Variants in NFIX observed in about 807,000 individuals in gnomAD.
NFIX encodes nuclear factor I X, also known as nuclear factor 1 X-type.
Under a neutral mutation model 53.3 loss-of-function variants are expected in NFIX, and 2 were observed. The observed-to-expected ratio is 0.04, with a 90% CI of 0.02 to 0.12. The LOEUF is 0.12. NFIX is among the 10% of genes least tolerant of loss of function. NFIX has a pLI of 1.00. For synonymous variants in NFIX, 244 were observed against 289.0 expected, an observed-to-expected ratio of 0.84 and a Z score of 1.58; for missense variants, 310 against 674.5, an observed-to-expected ratio of 0.46 and a Z score of 5.99.
rs1568318663 is a variant in NFIX at position 13,075,580 on chromosome 19, C to T, written c.864C>T (p.Ser288=). ...CCATCGATGACAGTGAGATGGAGAGCCCTGTTGATGACGTGTTCTATCCCG... is the reference window on the plus strand; with the variant it reads ...CCATCGATGACAGTGAGATGGAGAGTCCTGTTGATGACGTGTTCTATCCCG... ...PKSIDDSEME[S]PVDDVFYPGT... Residue 288 remains serine, a synonymous_variant, in exon 6 of 11, where the codon AGC becomes AGT. Coordinates refer to ENST00000592199, the MANE Select transcript of NFIX (RefSeq NM_001365902.3). 1 of 1,613,710 alleles carries T rather than the reference C, an allele frequency of 6.2e-7. No individual in the cohort carries two copies. Among genetic ancestry groups the T allele is most frequent in the Non-Finnish European group, 8.5e-7 (1 of 1,179,798 alleles).
intron 1 of NFIX, among the ~76,000 whole-genome samples, chr19:12,999,541 C>T (rs947447146): frequency 4.6e-5 from 7 of 152,124 alleles, no homozygotes; most frequent in Non-Finnish European, 8.8e-5. Context: ...CGTGCTTCCC[C>T]CTCCTTGCCA....
chr19:13,069,528 G>T (rs1053981059), intron 2 of NFIX, among the ~76,000 whole-genome samples: 2 of 152,208 alleles, frequency 1.3e-5, no homozygotes, highest in African/African-American at 4.8e-5. Flanking sequence ...GTGGGCAGGG[G>T]CTCACTCATG....
At chr19:13,046,766 C>T (rs769480649) in intron 2 of NFIX, among the ~76,000 whole-genome samples, 9 of 152,112 alleles carry the variant, frequency 5.9e-5, no homozygotes, top group Non-Finnish European at 1.0e-4. Context: ...ATGTGAATGT[C>T]AGGAGCAGAG....
Position 13,088,235 on chromosome 19 carries a change from C to A in NFIX, c.1402+99C>A. 2.2e-6 allele frequency: 3 copies of A among 1,380,026 alleles called. No individual in the cohort carries two copies. Among genetic ancestry groups the A allele is most frequent in the Non-Finnish European group, 2.9e-6 (3 of 1,024,336 alleles). The allele number at this position is 1,380,026 out of a possible 1,614,324, so 85.5% of individuals were successfully genotyped here. On this transcript the variant is annotated intron_variant, in intron 9 of 10. Transcript: ENST00000592199. This position sits in a 1 kb window ranked among gnomAD's most constrained non-coding sequence, Gnocchi z 5.9. ...GAAAAGCCTTCCCCCTCCCCACCAC[C>A]AAAGCCCCCCAACCCAGAGCACCAT...
chr19:13,036,870 G>A lies in NFIX; in HGVS notation c.559+11318G>A, dbSNP rs1234852652. 6.6e-6 allele frequency among the ~76,000 whole-genome samples: 1 copy of A among 152,164 alleles called. No individual in the cohort carries two copies. The highest frequency in any genetic ancestry group is 1.5e-5 in the Non-Finnish European group (1 of 68,036). On this transcript the variant is annotated intron_variant, in intron 2 of 10. Transcript: ENST00000592199. The surrounding 1 kb of genome is among the most constrained non-coding windows in gnomAD (Gnocchi z 4.7). ...AGCGGGCATGGTACCTAGTTAGGGGGTGGTAGGAGGGACCTGCGGCCCCAC... is the reference window on the plus strand; with the variant it reads ...AGCGGGCATGGTACCTAGTTAGGGGATGGTAGGAGGGACCTGCGGCCCCAC...
intron 8 of NFIX, among the ~76,000 whole-genome samples, chr19:13,084,368 C>G (rs1386122123): frequency 6.6e-6 from 1 of 152,018 alleles, no homozygotes; most frequent in Non-Finnish European, 1.5e-5. Context: ...CGCTTGAACC[C>G]GGGAGGCAGA....
Position 13,001,342 on chromosome 19 carries a change from C to T in NFIX, c.27+5478C>T, listed in dbSNP as rs1402843929. Among the ~76,000 whole-genome samples, 1 of 152,188 alleles carries T rather than the reference C, an allele frequency of 6.6e-6. No individual in the cohort carries two copies. The highest frequency in any genetic ancestry group is 1.5e-5 in the Non-Finnish European group (1 of 68,044). ...CCCAGCGTCCATCACTGGGTGCTAC[C>T]TGCATGTGACTCCACGGATCATCGC... On this transcript the variant is annotated intron_variant, in intron 1 of 10. Coordinates refer to ENST00000592199, the MANE Select transcript of NFIX (RefSeq NM_001365902.3). This position sits in a 1 kb window ranked among gnomAD's most constrained non-coding sequence, Gnocchi z 6.5.
chr19:13,027,508 C>T lies in NFIX; in HGVS notation c.559+1956C>T, dbSNP rs575381749. On this transcript the variant is annotated intron_variant, in intron 2 of 10. Transcript: ENST00000592199. The surrounding 1 kb of genome is among the most constrained non-coding windows in gnomAD (Gnocchi z 4.3). ...CTGCACAAGGGGATTCTGCACCTTC[C>T]AATTTTAGAACCAGGGGCTCGAGAG... Among the ~76,000 whole-genome samples, 7 of 152,268 alleles carry T rather than the reference C, an allele frequency of 4.6e-5. No homozygotes were observed. Among genetic ancestry groups the T allele is most frequent in the African/African-American group, 1.2e-4 (5 of 41,544 alleles).
intron 1 of NFIX, among the ~76,000 whole-genome samples, chr19:13,004,323 A>G (rs1349038349): frequency 2.0e-5 from 3 of 152,030 alleles, no homozygotes; most frequent in Non-Finnish European, 4.4e-5. Flanking sequence ...ACACCCAAAC[A>G]AGACGCCAGC....
In NFIX at chr19:13,093,056, C is replaced by G. The variant is rs1318556739; in HGVS notation, c.1495-1579C>G. Among the ~76,000 whole-genome samples, 9 of 152,266 alleles carry G rather than the reference C, an allele frequency of 5.9e-5. No homozygotes were observed. Among genetic ancestry groups the G allele is most frequent in the Admixed American group, 5.2e-4 (8 of 15,292 alleles). On this transcript the variant is annotated intron_variant, in intron 10 of 10. Transcript: ENST00000592199. The surrounding 1 kb of genome is among the most constrained non-coding windows in gnomAD (Gnocchi z 4.7). ...CCAAACCGCCACATTTCCAGATGCT[C>G]TTGATCTGCACTGTCCATTGTGGTA...
intron 2 of NFIX, among the ~76,000 whole-genome samples, chr19:13,039,220 A>AC (rs766690895): frequency 0.029 from 3,976 of 135,606 alleles, 190 homozygotes; most frequent in African/African-American, 0.11. Context: ...TAAATTAAAC[A>AC]CCCCCCCCCA....
chr19:13,050,772 G>A (rs113662100), intron 2 of NFIX, among the ~76,000 whole-genome samples: 14 of 152,310 alleles, frequency 9.2e-5, no homozygotes, highest in African/African-American at 3.4e-4. Flanking sequence ...GAGTGATTCT[G>A]AGGAAACCCA....
Position 13,072,122 on chromosome 19 carries a change from G to A in NFIX, c.560-925G>A, listed in dbSNP as rs919846970. Among the ~76,000 whole-genome samples, 21 of 152,186 alleles carry A rather than the reference G, an allele frequency of 1.4e-4. No homozygotes were observed. Among genetic ancestry groups the A allele is most frequent in the African/African-American group, 5.1e-4 (21 of 41,454 alleles). ...CTGGCTTCCTCCTGCCCCACAACCT[G>A]CCTGGCCCCCCTCCACCACCCTCTC... On this transcript the variant is annotated intron_variant, in intron 2 of 10. Transcript: ENST00000592199. This position sits in a 1 kb window ranked among gnomAD's most constrained non-coding sequence, Gnocchi z 4.0.
At chr19:13,056,109 C>T (rs528902097) in intron 2 of NFIX, among the ~76,000 whole-genome samples, 6 of 152,178 alleles carry the variant, frequency 3.9e-5, no homozygotes, top group Non-Finnish European at 5.9e-5. Context: ...CCCTGCTCTG[C>T]GGCTGAAATT....
chr19:13,017,501 A>G (rs979393863), intron 1 of NFIX, among the ~76,000 whole-genome samples: 1 of 151,954 alleles, frequency 6.6e-6, no homozygotes, highest in African/African-American at 2.4e-5. Flanking sequence ...GTGAGGAGAA[A>G]TCCTTCCTTG....
intron 1 of NFIX, chr19:13,024,118 A>AG: frequency 2.3e-6 from 2 of 888,028 alleles, no homozygotes. Context: ...ACAACCAAAA[A>AG]AAAAAAAAAA....
chr19:13,092,413 C>G (rs1183284408), intron 10 of NFIX, among the ~76,000 whole-genome samples: 1 of 152,182 alleles, frequency 6.6e-6, no homozygotes, highest in African/African-American at 2.4e-5. Flanking sequence ...TTGTCCCTAA[C>G]TCCAGACCTG....
chr19:13,000,095 G>A (rs906237036), intron 1 of NFIX, among the ~76,000 whole-genome samples: 9 of 152,224 alleles, frequency 5.9e-5, no homozygotes, highest in Non-Finnish European at 1.2e-4. Flanking sequence ...GCTCCCAGAC[G>A]GAGGCTGCGG....
At position 13,090,596 on chromosome 19, in the gene NFIX, A is replaced by C. The variant is rs2018074007; in HGVS notation, c.1494+206A>C. Among the ~76,000 whole-genome samples, 1 of 152,174 alleles carries C rather than the reference A, an allele frequency of 6.6e-6. No individual in the cohort carries two copies. The highest frequency in any genetic ancestry group is 1.5e-5 in the Non-Finnish European group (1 of 68,028). On this transcript the variant is annotated intron_variant, in intron 10 of 10. Transcript: ENST00000592199. This position sits in a 1 kb window ranked among gnomAD's most constrained non-coding sequence, Gnocchi z 6.6. ...CCCAGGCTCCCTGGCTAATCAGCTA[A>C]TTGGATAATTAGCTCTGACAGCCCT...
Sources: allele counts gnomAD v4.1 joint callset (sites outside exome capture counted in the v4.1 genomes callset), GRCh38; gene constraint gnomAD v4.1.1; non-coding constraint Gnocchi (gnomAD v3.1); transcripts MANE v1.5; gene names NCBI Gene and HGNC (gene_info 2026-07-23, HGNC 2026-07-21).